MTA3: variants seen among roughly 807,000 people sequenced by gnomAD.
MTA3 encodes the protein metastasis-associated protein MTA3.
A neutral mutation model predicts 83.5 loss-of-function variants in MTA3; 34 were observed. That is an observed-to-expected ratio of 0.41 (90% confidence interval 0.31 to 0.54). The LOEUF (loss-of-function observed/expected upper bound fraction) is 0.54. Among genes scored for constraint, MTA3 ranks in the 20% least tolerant of loss-of-function variants. The pLI, the probability that MTA3 is intolerant of heterozygous loss-of-function variation, is 0.33. For synonymous variants in MTA3, 303 were observed against 252.7 expected (o/e 1.20, Z -1.89); for missense variants, 761 against 726.4 (o/e 1.05, Z -0.55).
chr2:42,608,849 A>C (rs949682912), intron 3 of MTA3, among the ~76,000 whole-genome samples: 1 of 152,040 alleles, frequency 6.6e-6, no homozygotes, highest in East Asian at 1.9e-4. Context: ...ACACCACTGC[A>C]CTCCAGCCTG....
intron 2 of MTA3, among the ~76,000 whole-genome samples, chr2:42,544,561 C>G (rs569364710): frequency 7.3e-6 from 1 of 137,458 alleles, no homozygotes; most frequent in Admixed American, 7.5e-5. Context: ...TTCTTTGAGA[C>G]AGGATCTTGC....
At chr2:42,753,276 A>G (rs1175731559) in intron 16 of MTA3, 98 bp from the exon 17 acceptor site, 1 of 1,538,286 alleles carries the variant, frequency 6.5e-7, no homozygotes, top group East Asian at 2.5e-5. Context: ...CTTTCCCTGA[A>G]GGTTGTGATG....
chr2:42,547,389 G>A (rs545616903), intron 2 of MTA3, among the ~76,000 whole-genome samples: 2 of 152,340 alleles, frequency 1.3e-5, no homozygotes, highest in South Asian at 4.1e-4. Context: ...GTGCAGTGGC[G>A]CAATCTCTGC....
intron 14 of MTA3, among the ~76,000 whole-genome samples, chr2:42,712,170 CAAAA>C (rs914563976): frequency 6.6e-6 from 1 of 151,530 alleles, no homozygotes; most frequent in African/African-American, 2.4e-5. Flanking sequence ...ATAGTAAAAA[CAAAA>C]AAGGTCTTTG....
intron 14 of MTA3, among the ~76,000 whole-genome samples, chr2:42,711,505 G>A (rs965254611): frequency 6.6e-6 from 1 of 152,152 alleles, no homozygotes; most frequent in South Asian, 2.1e-4. Flanking sequence ...TGGTCATTGA[G>A]TTGTACATAA....
chr2:42,639,321 T>G lies in MTA3; in HGVS notation c.318-852T>G, dbSNP rs139803197. On this transcript the variant is annotated intron_variant, in intron 4 of 16. Coordinates refer to ENST00000405094, the MANE Select transcript of MTA3 (RefSeq NM_001330442.2). ...AATTTTTGTTTAGAAAATCAAATGA[T>G]CTTACGACATTTTAAAGAAACATTG... 1.9e-3 allele frequency among the ~76,000 whole-genome samples: 291 copies of G among 152,244 alleles called. 2 individuals carry two copies. Among genetic ancestry groups the G allele is most frequent in the African/African-American group, 6.7e-3 (277 of 41,498 alleles).
Position 42,754,824 on chromosome 2 carries a change from T to C in MTA3, c.*1425T>C, listed in dbSNP as rs888532613. 3.0e-6 allele frequency: 3 copies of C among 985,428 alleles called. No homozygotes were observed. Among genetic ancestry groups the C allele is most frequent in the East Asian group, 1.1e-4 (1 of 8,830 alleles). 61.0% of individuals were successfully genotyped at this position (985,428 alleles called of 1,614,324 possible). ...TTGGTAAGGATAATGATGCTGTAGA[T>C]GTCTGTGTCCTCGGAGGCTGAGCTC... On this transcript the variant is annotated 3_prime_UTR_variant, in exon 17 of 17. Coordinates refer to ENST00000405094, the MANE Select transcript of MTA3 (RefSeq NM_001330442.2).
At chr2:42,500,459 G>A (rs111278177) in intron 2 of MTA3, among the ~76,000 whole-genome samples, 1 of 152,040 alleles carries the variant, frequency 6.6e-6, no homozygotes, top group African/African-American at 2.4e-5. Flanking sequence ...TCAGGAGACT[G>A]AGGCAGGAGA....
chr2:42,553,423 CA>C (rs35686153), intron 2 of MTA3, among the ~76,000 whole-genome samples: 52 of 122,544 alleles, frequency 4.2e-4, no homozygotes, highest in Admixed American at 4.4e-4. Context: ...GACTCCATCT[CA>C]AAAAAAAAAA....
At chr2:42,498,590 A>G (rs1309951444) in intron 2 of MTA3, among the ~76,000 whole-genome samples, 2 of 152,182 alleles carry the variant, frequency 1.3e-5, no homozygotes, top group Non-Finnish European at 2.9e-5. Context: ...TGTAACATAC[A>G]TCGTGTTCAC....
At chr2:42,682,374 T>G (rs748365501) in intron 8 of MTA3, 27 bp from the exon 9 acceptor site, 2 of 1,522,666 alleles carry the variant, frequency 1.3e-6, no homozygotes, top group Non-Finnish European at 1.8e-6. Context: ...TTCTGGTTGA[T>G]ATTTTCTGTT....
intron 4 of MTA3, among the ~76,000 whole-genome samples, chr2:42,625,373 G>C (rs1416629368): frequency 6.6e-6 from 1 of 151,416 alleles, no homozygotes; most frequent in Non-Finnish European, 1.5e-5. Flanking sequence ...CCCTTTTTTG[G>C]AGGTGGAGGT....
intron 2 of MTA3, among the ~76,000 whole-genome samples, chr2:42,553,313 A>C (rs879895976): frequency 9.3e-5 from 14 of 151,172 alleles, no homozygotes; most frequent in Non-Finnish European, 1.9e-4. Flanking sequence ...AGTCCCAGCT[A>C]CTCTGGAGGC....
chr2:42,575,704 G>T (rs1415012728), intron 2 of MTA3, among the ~76,000 whole-genome samples: 1 of 152,182 alleles, frequency 6.6e-6, no homozygotes, highest in Non-Finnish European at 1.5e-5. Flanking sequence ...TTACCCTTTT[G>T]AGCCTCACAG....
intron 16 of MTA3, among the ~76,000 whole-genome samples, chr2:42,747,859 A>G (rs367715431): frequency 6.6e-6 from 1 of 152,046 alleles, no homozygotes; most frequent in Non-Finnish European, 1.5e-5. Flanking sequence ...AAATATGTAC[A>G]CCAGGAAACC....
intron 8 of MTA3, among the ~76,000 whole-genome samples, chr2:42,672,379 A>G (rs1388972321): frequency 6.6e-6 from 1 of 151,588 alleles, no homozygotes; most frequent in African/African-American, 2.4e-5. Flanking sequence ...GCAGTGGCTC[A>G]CGCCTGTAAT....
intron 2 of MTA3, among the ~76,000 whole-genome samples, chr2:42,498,249 A>C (rs1674235972): frequency 6.6e-6 from 1 of 152,208 alleles, no homozygotes; most frequent in African/African-American, 2.4e-5. Context: ...CAGCTTTTCG[A>C]ATGGAAATTC....
chr2:42,677,621 G>A (rs548099005), intron 8 of MTA3, among the ~76,000 whole-genome samples: 138 of 152,142 alleles, frequency 9.1e-4, no homozygotes, highest in Middle Eastern at 3.4e-3. Flanking sequence ...TGAGATTACG[G>A]GTATGAGCCA....
intron 2 of MTA3, among the ~76,000 whole-genome samples, chr2:42,501,868 C>T (rs1364109293): frequency 6.6e-6 from 1 of 152,040 alleles, no homozygotes; most frequent in Non-Finnish European, 1.5e-5. Flanking sequence ...ATCCCAGCTG[C>T]TGGGGAGGCT....
Sources: gnomAD v4.1 joint callset for allele counts (sites outside exome capture counted in the v4.1 genomes callset) on GRCh38, gnomAD v4.1.1 for gene constraint, MANE v1.5 for transcripts, NCBI Gene and HGNC (gene_info 2026-07-23, HGNC 2026-07-21) for gene names.